The following PADI3 variants were observed in gnomAD, a reference collection of about 807,000 sequenced individuals.
PADI3 encodes peptidyl arginine deiminase 3.
A neutral mutation model predicts 71.5 loss-of-function variants in PADI3; 53 were observed. The observed-to-expected ratio is 0.74, with a 90% CI of 0.59 to 0.93. The LOEUF is 0.93. Ranked by LOEUF, PADI3 falls within the 40% of genes least tolerant of loss-of-function variation. The probability of loss-of-function intolerance (pLI) is 0.00; values close to 1 mark genes in which losing one functional copy is unlikely to be tolerated. For missense variants in PADI3, 821 were observed against 868.0 expected (o/e 0.95, Z 0.68); for synonymous variants, 361 against 347.5 (o/e 1.04, Z -0.43).
At chr1:17,274,557 G>A (rs2073299245) in intron 10 of PADI3, 78 bp from the exon 11 acceptor site, 2 of 1,361,504 alleles carry the variant, frequency 1.5e-6, no homozygotes, top group East Asian at 2.4e-5. Context: ...CTGTCTTGAA[G>A]GAGCTCAAAG....
chr1:17,264,331 TACACACACACACACAC>T lies in PADI3; in HGVS notation c.347-1311_347-1296del, dbSNP rs60223695. Among the ~76,000 whole-genome samples the T allele has an allele frequency of 3.0e-3, 449 of 148,220 alleles. 3 individuals are homozygous for T. The highest frequency in any genetic ancestry group is 0.011 in the African/African-American group (430 of 40,316). ...CATACATATGTGCATAAAGCATATG[TACACACACACACACAC>T]ACACACACACACACACGAATAATTA... On this transcript the variant is annotated intron_variant, in intron 3 of 15. Coordinates refer to ENST00000375460, the MANE Select transcript of PADI3 (RefSeq NM_016233.2).
chr1:17,271,115 G>C lies in PADI3; in HGVS notation c.984G>C (p.Arg328Ser), dbSNP rs2073244117. The change falls in exon 9 of 16, where the codon AGG (arginine) becomes AGC (serine). Residue 328 changes from arginine (R) to serine (S), a missense_variant. Arg to Ser is a moderately radical substitution (Grantham distance 110, BLOSUM62 -1). Coordinates refer to ENST00000375460, the MANE Select transcript of PADI3 (RefSeq NM_016233.2). ...CFVDAVAELARKAGCKLTICP... is the reference protein window; with the variant it reads ...CFVDAVAELASKAGCKLTICP... ...TGGATGCGGTGGCAGAGCTGGCCAG[G>C]AAGGCCGGCTGCAAGCTGACCATCT... The C allele has an allele frequency of 6.2e-7, 1 of 1,613,850 alleles. No homozygotes were observed. The highest frequency in any genetic ancestry group is 1.7e-5 in the Admixed American group (1 of 60,004).
intron 6 of PADI3, among the ~76,000 whole-genome samples, chr1:17,269,460 T>A (rs889860263): frequency 1.3e-5 from 2 of 152,214 alleles, no homozygotes; most frequent in African/African-American, 4.8e-5. Flanking sequence ...TTGCTTGAGG[T>A]CAGGGGCTTT....
At chr1:17,259,028 T>C (rs941663325) in intron 1 of PADI3, among the ~76,000 whole-genome samples, 3 of 152,152 alleles carry the variant, frequency 2.0e-5, no homozygotes, top group Non-Finnish European at 2.9e-5. Flanking sequence ...ACAAGGGAAA[T>C]GTTAATGAAC....
At chr1:17,270,829 C>A in intron 7 of PADI3, 50 bp from the exon 8 acceptor site, 1 of 1,299,520 alleles carries the variant, frequency 7.7e-7, no homozygotes, top group Non-Finnish European at 1.1e-6. Flanking sequence ...TCCCCCCAGG[C>A]CTCTGGACTC....
chr1:17,249,121 C>A lies in PADI3; in HGVS notation c.-17C>A. 1 of 1,611,762 alleles carries A rather than the reference C, an allele frequency of 6.2e-7. No homozygotes were observed. The highest frequency in any genetic ancestry group is 8.5e-7 in the Non-Finnish European group (1 of 1,177,874). ...GCAGTGTTGGGGTTGGCGGCCACAG[C>A]TAAGTCCAACACCAGCATGTCGCTG... On this transcript the variant is annotated 5_prime_UTR_variant, in exon 1 of 16. Coordinates refer to ENST00000375460, the MANE Select transcript of PADI3 (RefSeq NM_016233.2).
chr1:17,261,263 C>A (rs770123680), intron 2 of PADI3, among the ~76,000 whole-genome samples: 1 of 152,206 alleles, frequency 6.6e-6, no homozygotes, highest in East Asian at 1.9e-4. Flanking sequence ...ATATCATCCA[C>A]GCCATCTTCA....
chr1:17,271,220 C>G (rs1387723623), intron 9 of PADI3, 42 bp downstream of exon 9: 1 of 1,548,710 alleles, frequency 6.5e-7, no homozygotes, highest in Non-Finnish European at 8.9e-7. Context: ...GGACGCCATC[C>G]TGGAGAGAGA....
At chr1:17,266,524 A>T (rs145975974) in intron 4 of PADI3, among the ~76,000 whole-genome samples, 195 bp from the exon 5 acceptor site, 2 of 152,350 alleles carry the variant, frequency 1.3e-5, no homozygotes, top group East Asian at 3.9e-4. Flanking sequence ...CATGAAAGAC[A>T]GCTCTGTGCT....
chr1:17,254,130 AG>A (rs1442954933), intron 1 of PADI3, among the ~76,000 whole-genome samples: 4 of 152,220 alleles, frequency 2.6e-5, no homozygotes, highest in Non-Finnish European at 5.9e-5. Flanking sequence ...GGGGTGGGGC[AG>A]GGCCACCCAG....
At chr1:17,268,667 C>T (rs915479960) in intron 6 of PADI3, among the ~76,000 whole-genome samples, 2 of 151,742 alleles carry the variant, frequency 1.3e-5, no homozygotes, top group African/African-American at 4.8e-5. Flanking sequence ...GCCACCACAC[C>T]CAGCTAATTT....
chr1:17,282,704 G>T, intron 15 of PADI3, 142 bp from the exon 16 acceptor site: 1 of 665,606 alleles, frequency 1.5e-6, no homozygotes. Flanking sequence ...AGCCCCTTTA[G>T]CCAGTTACCT....
intron 15 of PADI3, among the ~76,000 whole-genome samples, chr1:17,281,996 A>G (rs566688724): frequency 6.6e-6 from 1 of 152,182 alleles, no homozygotes; most frequent in Non-Finnish European, 1.5e-5. Context: ...GCCCATTGTC[A>G]GAGCCTTGTG....
At chr1:17,273,100 G>A (rs1234717133) in intron 9 of PADI3, among the ~76,000 whole-genome samples, 2 of 152,072 alleles carry the variant, frequency 1.3e-5, no homozygotes, top group African/African-American at 2.4e-5. Context: ...CCATGTTCTC[G>A]TTCACCTCCG....
intron 6 of PADI3, 69 bp from the exon 7 acceptor site, chr1:17,270,164 C>G: frequency 6.6e-7 from 1 of 1,516,536 alleles, no homozygotes; most frequent in South Asian, 1.3e-5. Flanking sequence ...AGACCTCTTC[C>G]TGTGTCCCTC....
intron 4 of PADI3, 123 bp from the exon 5 acceptor site, chr1:17,266,596 G>A (rs2073171138): frequency 4.0e-6 from 3 of 754,870 alleles, no homozygotes; most frequent in Admixed American, 1.8e-5. Context: ...AGAAGGAGGT[G>A]CTTCGAGAAC....
At chr1:17,264,826 C>T (rs1385961223) in intron 3 of PADI3, among the ~76,000 whole-genome samples, 1 of 152,020 alleles carries the variant, frequency 6.6e-6, no homozygotes, top group African/African-American at 2.4e-5. Context: ...GCCTAGGCAA[C>T]ATGGTGAAAT....
chr1:17,281,687 C>G (rs374217279), intron 15 of PADI3, among the ~76,000 whole-genome samples: 1 of 152,138 alleles, frequency 6.6e-6, no homozygotes, highest in Non-Finnish European at 1.5e-5. Context: ...TCCTGACCTC[C>G]GGTGATCCAC....
intron 1 of PADI3, among the ~76,000 whole-genome samples, chr1:17,257,030 T>C (rs1021992843): frequency 2.2e-5 from 1 of 45,364 alleles, no homozygotes; most frequent in African/African-American, 9.8e-5. Context: ...AGACTCTGTC[T>C]CAAAAAAAAA....
Sources: gnomAD v4.1 joint callset for allele counts (sites outside exome capture counted in the v4.1 genomes callset) on GRCh38, gnomAD v4.1.1 for gene constraint, MANE v1.5 for transcripts, NCBI Gene and HGNC (gene_info 2026-07-23, HGNC 2026-07-21) for gene names.